Variants in ANKRD12 observed in about 807,000 individuals in gnomAD.
ANKRD12 encodes ankyrin repeat domain-containing protein 12.
Under a neutral mutation model 183.4 loss-of-function variants are expected in ANKRD12, and 85 were observed. That is an observed-to-expected ratio of 0.46 (90% CI 0.39 to 0.56). The LOEUF (loss-of-function observed/expected upper bound fraction) is 0.56, where lower values mean the gene tolerates loss of function less well. Ranked by LOEUF, ANKRD12 falls within the 20% of genes least tolerant of loss-of-function variation. The pLI is 0.00. For synonymous variants in ANKRD12, 914 were observed against 800.2 expected (o/e 1.14, Z -2.40); for missense variants, 2,405 against 2,357.1 (o/e 1.02, Z -0.42).
At chr18:9,227,388 G>C (rs2036781675) in intron 8 of ANKRD12, among the ~76,000 whole-genome samples, 1 of 152,110 alleles carries the variant, frequency 6.6e-6, no homozygotes, top group Non-Finnish European at 1.5e-5. Context: ...TCCAGGTTAT[G>C]ATCTTAAAAT....
At chr18:9,148,757 T>A (rs527527483) in intron 1 of ANKRD12, among the ~76,000 whole-genome samples, 1 of 152,330 alleles carries the variant, frequency 6.6e-6, no homozygotes, top group East Asian at 1.9e-4. Context: ...TAATTCCTCT[T>A]AAGTCCATCT....
At chr18:9,223,345 C>A (rs2036529810) in intron 8 of ANKRD12, among the ~76,000 whole-genome samples, 1 of 151,778 alleles carries the variant, frequency 6.6e-6, no homozygotes, top group South Asian at 2.1e-4. Flanking sequence ...GCTCCGCCTC[C>A]CGGGTTCATG....
At position 9,255,090 on chromosome 18, in the gene ANKRD12, A is replaced by T; in HGVS notation, c.1823A>T (p.His608Leu). ...KSCKHKEKSK[H>L]QKDFHLEFGE... ...TGTAAGCATAAGGAAAAAAGCAAAC[A>T]TCAGAAAGATTTCCACTTAGAATTT... The change falls in exon 9 of 13, where the codon CAT becomes CTT. Residue 608 changes from histidine to leucine, a missense_variant. By Grantham distance (99) the His-to-Leu change is moderately conservative (BLOSUM62 -3). Coordinates refer to ENST00000262126, the MANE Select transcript of ANKRD12 (RefSeq NM_015208.5). 6.3e-7 allele frequency: 1 copy of T among 1,580,518 alleles called. No homozygotes were observed. The highest frequency in any genetic ancestry group is 8.5e-7 in the Non-Finnish European group (1 of 1,169,680).
chr18:9,240,178 T>G (rs534776238), intron 8 of ANKRD12, among the ~76,000 whole-genome samples: 2 of 152,320 alleles, frequency 1.3e-5, no homozygotes, highest in African/African-American at 4.8e-5. Flanking sequence ...ACACTTTGAG[T>G]AGCAGTTTTA....
At chr18:9,157,575 G>A (rs1341526312) in intron 1 of ANKRD12, among the ~76,000 whole-genome samples, 8 of 112,776 alleles carry the variant, frequency 7.1e-5, no homozygotes, top group Non-Finnish European at 1.1e-4. Flanking sequence ...GTGTGTGTGT[G>A]TGTGTGTGTG....
chr18:9,260,680 G>A (rs1264586676), intron 9 of ANKRD12, among the ~76,000 whole-genome samples: 1 of 152,168 alleles, frequency 6.6e-6, no homozygotes, highest in Non-Finnish European at 1.5e-5. Flanking sequence ...CCCAGATATT[G>A]AAAGAGAAAA....
rs187931828 is a variant in ANKRD12 at position 9,189,374 on chromosome 18, C to G, written c.88-6177C>G. On this transcript the variant is annotated intron_variant, in intron 2 of 12. Coordinates refer to ENST00000262126, the MANE Select transcript of ANKRD12 (RefSeq NM_015208.5). ...TAACATAAAAGTGCAAGGTGAAGCACCAAGTGCTAATGTGGAAGCTACAGC... is the reference window on the plus strand; with the variant it reads ...TAACATAAAAGTGCAAGGTGAAGCAGCAAGTGCTAATGTGGAAGCTACAGC... 2.0e-4 allele frequency among the ~76,000 whole-genome samples: 31 copies of G among 152,318 alleles called. No homozygotes were observed. In the East Asian group the frequency reaches 6.0e-3, roughly 29 times the overall value.
Position 9,284,515 on chromosome 18 carries a change from CCGTTTGTA to C in ANKRD12, c.*3390_*3397del, listed in dbSNP as rs2040181398. 2 of 151,998 alleles carry C rather than the reference CCGTTTGTA, an allele frequency of 1.3e-5. No homozygotes were observed. The highest frequency in any genetic ancestry group is 1.3e-4 in the Admixed American group (2 of 15,266). 9.4% of individuals were successfully genotyped at this position (151,998 alleles called of 1,614,324 possible). On this transcript the variant is annotated 3_prime_UTR_variant, in exon 13 of 13. Transcript: ENST00000262126. ...AAACAGTTTAAAGGAAGCATTTTCA[CCGTTTGTA>C]AAAATTATTTTTAAATATTTAGGGC...
At chr18:9,153,165 C>CT (rs2078739356) in intron 1 of ANKRD12, among the ~76,000 whole-genome samples, 1 of 152,174 alleles carries the variant, frequency 6.6e-6, no homozygotes, top group South Asian at 2.1e-4. Context: ...TGAGTGCCTA[C>CT]TCAAAAGCAG....
chr18:9,223,790 A>G (rs1425090624), intron 8 of ANKRD12, among the ~76,000 whole-genome samples: 5 of 152,234 alleles, frequency 3.3e-5, no homozygotes, highest in African/African-American at 1.2e-4. Flanking sequence ...TTTTCAGCAC[A>G]TGCAGTTTCT....
At chr18:9,250,675 C>G (rs956715030) in intron 8 of ANKRD12, among the ~76,000 whole-genome samples, 1 of 152,130 alleles carries the variant, frequency 6.6e-6, no homozygotes. Context: ...TATGATTGTA[C>G]CACTGCATTC....
At chr18:9,234,418 A>G (rs1033083452) in intron 8 of ANKRD12, among the ~76,000 whole-genome samples, 1 of 152,168 alleles carries the variant, frequency 6.6e-6, no homozygotes, top group African/African-American at 2.4e-5. Flanking sequence ...TCACAGCTGT[A>G]TGCAGGGAGC....
At chr18:9,218,756 A>G (rs2036256201) in intron 7 of ANKRD12, among the ~76,000 whole-genome samples, 1 of 151,770 alleles carries the variant, frequency 6.6e-6, no homozygotes, top group Non-Finnish European at 1.5e-5. Context: ...TGCAGCCTCA[A>G]CCTCGTGGGC....
intron 8 of ANKRD12, among the ~76,000 whole-genome samples, chr18:9,249,040 T>C (rs996861984): frequency 2.6e-5 from 4 of 152,238 alleles, no homozygotes; most frequent in East Asian, 1.9e-4. Flanking sequence ...TTTCTTGATA[T>C]CTTAATACAG....
intron 3 of ANKRD12, chr18:9,200,724 C>A (rs983890173): frequency 2.0e-5 from 3 of 152,164 alleles, no homozygotes; most frequent in Non-Finnish European, 2.9e-5. Flanking sequence ...AGTGACATAG[C>A]ATGTAAATTT....
At chr18:9,277,243 C>T (rs955574905) in intron 11 of ANKRD12, among the ~76,000 whole-genome samples, 11 of 151,780 alleles carry the variant, frequency 7.2e-5, no homozygotes, top group Non-Finnish European at 1.6e-4. Context: ...ATCGATTAAG[C>T]CAAGGAGTTC....
chr18:9,280,330 C>A (rs1436329864), intron 12 of ANKRD12, among the ~76,000 whole-genome samples: 2 of 152,168 alleles, frequency 1.3e-5, no homozygotes. Flanking sequence ...GGTGGTAATG[C>A]TTGCTTGCCG....
Position 9,216,732 on chromosome 18 carries a change from A to T in ANKRD12, c.653-26A>T, listed in dbSNP as rs1402415477. On this transcript the variant is annotated intron_variant, in intron 6 of 12. Coordinates refer to ENST00000262126, the MANE Select transcript of ANKRD12 (RefSeq NM_015208.5). ...TATTTTGAAGTAGCGCAAGTGAATC[A>T]TGTTAAATTAATAATCTAACTTTAG... 3.1e-6 allele frequency: 5 copies of T among 1,607,578 alleles called. No individual in the cohort carries two copies. The East Asian group carries it at 6.7e-5, about 22-fold the overall frequency.
chr18:9,202,096 G>T (rs2035205418), intron 3 of ANKRD12, among the ~76,000 whole-genome samples: 1 of 152,168 alleles, frequency 6.6e-6, no homozygotes, highest in African/African-American at 2.4e-5. Context: ...CCAGTGCTGG[G>T]ATTACAGGCG....
Sources: allele counts gnomAD v4.1 joint callset (sites outside exome capture counted in the v4.1 genomes callset), GRCh38; gene constraint gnomAD v4.1.1; transcripts MANE v1.5; gene names NCBI Gene and HGNC (gene_info 2026-07-23, HGNC 2026-07-21).